IMPG2: variants seen among roughly 807,000 people sequenced by gnomAD.
IMPG2 encodes IPM 200.
In IMPG2, 91 loss-of-function variants were observed where a neutral mutation model predicts 129.2. The ratio of observed to expected loss-of-function variants is 0.70; its 90% confidence interval spans 0.59 to 0.84. The LOEUF (loss-of-function observed/expected upper bound fraction) is 0.84, where lower values mean the gene tolerates loss of function less well. Ranked by LOEUF, IMPG2 falls within the 40% of genes least tolerant of loss-of-function variation. The pLI, the probability that IMPG2 is intolerant of heterozygous loss-of-function variation, is 0.00. For missense variants in IMPG2, 1,430 were observed against 1,461.7 expected, an observed-to-expected ratio of 0.98 and a Z score of 0.35; for synonymous variants, 510 against 517.7, an observed-to-expected ratio of 0.99 and a Z score of 0.20.
intron 9 of IMPG2, among the ~76,000 whole-genome samples, chr3:101,259,295 G>A (rs543808953): frequency 4.5e-4 from 69 of 152,190 alleles, no homozygotes; most frequent in African/African-American, 1.6e-3. Flanking sequence ...AGACAGACGT[G>A]CAGTAAAAGT....
rs1706305955 is a variant in IMPG2, at chr3:101,232,924, C to G, written c.3090G>C (p.Trp1030Cys). The change falls in exon 15 of 19, where the codon TGG becomes TGC. Residue 1030 changes from tryptophan (W) to cysteine (C), a missense_variant. Transcript: ENST00000193391. The part of the protein sequence containing the change: ...NEFSECLVNP[W>C]SGEAKCRCFP... ...AGCATCTGCACTTTGCTTCTCCACT[C>G]CAGGGGTTGACCAGACACTCTGAAA... 1.2e-6 allele frequency: 2 copies of G among 1,613,862 alleles called. No homozygotes were observed. The highest frequency in any genetic ancestry group is 2.7e-5 in the African/African-American group (2 of 74,850).
chr3:101,246,908 G>A (rs934743598), intron 11 of IMPG2, among the ~76,000 whole-genome samples: 4 of 151,850 alleles, frequency 2.6e-5, no homozygotes, highest in Non-Finnish European at 5.9e-5. Context: ...GTCCAGACTG[G>A]GCAATATAGC....
chr3:101,281,178 C>T (rs1029440884), intron 4 of IMPG2, among the ~76,000 whole-genome samples: 4 of 152,088 alleles, frequency 2.6e-5, no homozygotes, highest in African/African-American at 9.7e-5. Flanking sequence ...GCCTTGCACT[C>T]GTTATTGGGG....
chr3:101,274,386 G>A (rs192245463), intron 6 of IMPG2, among the ~76,000 whole-genome samples: 205 of 152,152 alleles, frequency 1.3e-3, no homozygotes, highest in African/African-American at 4.7e-3. Flanking sequence ...TTCCTATGTT[G>A]CTCAGGATAA....
intron 4 of IMPG2, among the ~76,000 whole-genome samples, chr3:101,280,520 T>C (rs1009527107): frequency 1.3e-5 from 2 of 152,172 alleles, no homozygotes; most frequent in South Asian, 2.1e-4. Flanking sequence ...CAAGAAGGTG[T>C]TGACAAAAAT....
chr3:101,273,052 ATTCT>A (rs908310192), intron 7 of IMPG2, among the ~76,000 whole-genome samples: 1 of 152,200 alleles, frequency 6.6e-6, no homozygotes, highest in African/African-American at 2.4e-5. Flanking sequence ...CTAATCCACA[ATTCT>A]TTAAAGAAAT....
At chr3:101,318,245 C>T (rs513283) in intron 2 of IMPG2, among the ~76,000 whole-genome samples, 136,649 of 150,706 alleles carry the variant, frequency 0.91, 62,072 homozygotes, top group East Asian at 1. Context: ...TAACTGTCAT[C>T]CTCATTCACC....
At position 101,308,049 on chromosome 3, in the gene IMPG2, C is replaced by T. The variant is rs60047858; in HGVS notation, c.335-3737G>A. Among the ~76,000 whole-genome samples, 492 of 152,350 alleles carry T rather than the reference C, an allele frequency of 3.2e-3. 3 individuals carry two copies. The highest frequency in any genetic ancestry group is 0.011 in the African/African-American group (476 of 41,580). ...TCTCTTCTGACTCCATGTCTCACAT[C>T]CATGTCACACTGATGTAAGAGGTGG... On this transcript the variant is annotated intron_variant, in intron 2 of 18. Transcript: ENST00000193391.
At chr3:101,267,774 T>A (rs1158630678) in intron 8 of IMPG2, among the ~76,000 whole-genome samples, 1 of 152,184 alleles carries the variant, frequency 6.6e-6, no homozygotes, top group Non-Finnish European at 1.5e-5. Flanking sequence ...ATAATTCACA[T>A]ATGGTTATTT....
At position 101,229,539 on chromosome 3, in the gene IMPG2, C is replaced by T. The variant is rs566459355; in HGVS notation, c.3474G>A (p.Lys1158=). 7.4e-6 allele frequency: 12 copies of T among 1,614,022 alleles called. No homozygotes were observed. The South Asian group carries it at 1.3e-4, about 18-fold the overall frequency. Residue 1158 remains lysine, a synonymous_variant, in exon 17 of 19, where the codon AAG becomes AAA. Coordinates refer to ENST00000193391, the MANE Select transcript of IMPG2 (RefSeq NM_016247.4). ...DSLSSIENAV[K]YNPVYESHRA... is the part of the protein sequence containing the mutation. The stretch of plus-strand genomic sequence containing the variant: ...TGTGACTTTCATACACGGGGTTGTA[C>T]TTCACAGCATTCTCAATAGATGAGA...
intron 15 of IMPG2, 47 bp downstream of exon 15, chr3:101,232,734 G>A (rs1301283421): frequency 6.5e-7 from 1 of 1,538,514 alleles, no homozygotes; most frequent in Non-Finnish European, 9.0e-7. Context: ...TTTCTTTAGA[G>A]GAAATATCTA....
intron 3 of IMPG2, among the ~76,000 whole-genome samples, chr3:101,297,353 G>A (rs1326330880): frequency 2.6e-5 from 4 of 152,012 alleles, no homozygotes; most frequent in Non-Finnish European, 5.9e-5. Flanking sequence ...CCAGCTCCTG[G>A]ATTAATTGAT....
chr3:101,290,575 A>C (rs1706996695), intron 4 of IMPG2, among the ~76,000 whole-genome samples: 1 of 152,130 alleles, frequency 6.6e-6, no homozygotes, highest in Non-Finnish European at 1.5e-5. Context: ...GCCCATATTT[A>C]AGTAAATGCT....
At chr3:101,238,376 A>G (rs1706370117) in intron 14 of IMPG2, among the ~76,000 whole-genome samples, 1 of 152,192 alleles carries the variant, frequency 6.6e-6, no homozygotes, top group African/African-American at 2.4e-5. Flanking sequence ...GAATCCCACA[A>G]AGATACTCCC....
At chr3:101,234,958 T>C (rs930065701) in intron 14 of IMPG2, among the ~76,000 whole-genome samples, 1 of 152,268 alleles carries the variant, frequency 6.6e-6, no homozygotes, top group Non-Finnish European at 1.5e-5. Context: ...GATTTTGGAA[T>C]ATTTGCCTTT....
intron 17 of IMPG2, 80 bp downstream of exon 17, chr3:101,229,300 A>ACCCCCCCCCCCCACCCCCCCCACC: frequency 1.2e-6 from 1 of 859,118 alleles, no homozygotes; most frequent in Non-Finnish European, 1.9e-6. Context: ...ACTCATACAC[A>ACCCCCCCCCCCCACCCCCCCCACC]CCCCCACCCA....
At chr3:101,287,451 A>C (rs1340871717) in intron 4 of IMPG2, among the ~76,000 whole-genome samples, 1 of 152,230 alleles carries the variant, frequency 6.6e-6, no homozygotes, top group Non-Finnish European at 1.5e-5. Flanking sequence ...AAGCAAAAAG[A>C]ACAAAGCCAG....
At chr3:101,227,641 G>A (rs1344993918) in intron 18 of IMPG2, among the ~76,000 whole-genome samples, 1 of 152,234 alleles carries the variant, frequency 6.6e-6, no homozygotes, top group Non-Finnish European at 1.5e-5. Context: ...TGAAGATGCA[G>A]AGATGAATGG....
rs533742867 is a variant in IMPG2 at position 101,304,351 on chromosome 3, A to G, written c.335-39T>C. ...AGGTGTTTTTTTACAAAAAGCTAACATGCTCTGGGGTTCTTACAATGATCA... is the reference window on the plus strand; with the variant it reads ...AGGTGTTTTTTTACAAAAAGCTAACGTGCTCTGGGGTTCTTACAATGATCA... On this transcript the variant is annotated intron_variant, in intron 2 of 18. Coordinates refer to ENST00000193391, the MANE Select transcript of IMPG2 (RefSeq NM_016247.4). 4.0e-5 allele frequency: 63 copies of G among 1,580,030 alleles called. No homozygotes were observed. The East Asian group carries it at 1.3e-3, about 33-fold the overall frequency.
Sources: allele counts gnomAD v4.1 joint callset (sites outside exome capture counted in the v4.1 genomes callset), GRCh38; gene constraint gnomAD v4.1.1; transcripts MANE v1.5; gene names NCBI Gene and HGNC (gene_info 2026-07-23, HGNC 2026-07-21).